Variants in UBXN2A observed in about 807,000 individuals in gnomAD.
The protein encoded by UBXN2A is UBX domain-containing protein 2A.
In UBXN2A, 28 loss-of-function variants were observed where a neutral mutation model predicts 28.4. The observed-to-expected ratio is 0.99, with a 90% CI of 0.73 to 1.35. UBXN2A has a LOEUF of 1.35. Among genes scored for constraint, UBXN2A ranks in the 40% most tolerant of loss-of-function variants. The pLI is 0.00. For missense variants in UBXN2A, 253 were observed against 297.9 expected (o/e 0.85, Z 1.11); for synonymous variants, 97 against 103.6 (o/e 0.94, Z 0.39).
At chr2:23,955,025 C>T (rs545940599) in intron 1 of UBXN2A, among the ~76,000 whole-genome samples, 8 of 151,584 alleles carry the variant, frequency 5.3e-5, no homozygotes, top group East Asian at 3.9e-4. Context: ...CTCCACCTCC[C>T]GGGTTCAGGC....
At chr2:23,958,815 C>T (rs1706763986) in intron 2 of UBXN2A, among the ~76,000 whole-genome samples, 2 of 152,126 alleles carry the variant, frequency 1.3e-5, no homozygotes. Context: ...ACCTACCTAT[C>T]TGAAAGGTTT....
intron 6 of UBXN2A, among the ~76,000 whole-genome samples, chr2:23,994,970 C>T (rs1708475073): frequency 6.6e-6 from 1 of 152,196 alleles, no homozygotes; most frequent in Non-Finnish European, 1.5e-5. Context: ...CAAGACTCCT[C>T]CACATTGGCA....
chr2:23,997,898 G>A (rs1299126980), intron 6 of UBXN2A, among the ~76,000 whole-genome samples: 3 of 149,496 alleles, frequency 2.0e-5, no homozygotes, highest in Non-Finnish European at 4.4e-5. Flanking sequence ...CTGCAACCTC[G>A]CCTCCTGGGT....
chr2:23,940,843 C>A (rs939006477), intron 1 of UBXN2A, among the ~76,000 whole-genome samples, 195 bp downstream of exon 1: 18 of 150,324 alleles, frequency 1.2e-4, no homozygotes, highest in African/African-American at 3.9e-4. Flanking sequence ...GAGCCAGGGT[C>A]CCGCCCAGCC....
chr2:23,965,508 G>T (rs1005102039), intron 2 of UBXN2A, among the ~76,000 whole-genome samples: 1 of 152,152 alleles, frequency 6.6e-6, no homozygotes, highest in Non-Finnish European at 1.5e-5. Flanking sequence ...TGATGTGATA[G>T]ATTACATGAA....
intron 1 of UBXN2A, among the ~76,000 whole-genome samples, chr2:23,935,094 T>C (rs1705485767): frequency 6.6e-6 from 1 of 151,788 alleles, no homozygotes; most frequent in Admixed American, 6.6e-5. Flanking sequence ...AGCAAAAAAA[T>C]GGAGCAAACA....
intron 2 of UBXN2A, chr2:23,968,785 C>T (rs2150861830): frequency 6.6e-6 from 1 of 152,066 alleles, no homozygotes; most frequent in South Asian, 2.1e-4. Context: ...TTTGAGAAAT[C>T]GTATTTCTGT....
chr2:23,972,679 G>A (rs1390373067), intron 3 of UBXN2A, among the ~76,000 whole-genome samples: 4 of 151,924 alleles, frequency 2.6e-5, no homozygotes, highest in Non-Finnish European at 2.9e-5. Flanking sequence ...AAAAGTAGCC[G>A]GGTGTGGTGG....
intron 6 of UBXN2A, among the ~76,000 whole-genome samples, chr2:23,990,664 C>T (rs1708320053): frequency 6.6e-6 from 1 of 151,482 alleles, no homozygotes; most frequent in Admixed American, 6.6e-5. Context: ...ATCCCAGCTA[C>T]TTGGGAGGCT....
At chr2:23,941,334 G>A (rs1437934810) in intron 1 of UBXN2A, among the ~76,000 whole-genome samples, 1 of 152,118 alleles carries the variant, frequency 6.6e-6, no homozygotes, top group Non-Finnish European at 1.5e-5. Flanking sequence ...TGTTTTTAGG[G>A]GGGAAACTTT....
At chr2:23,966,394 C>A (rs1707165641) in intron 2 of UBXN2A, among the ~76,000 whole-genome samples, 1 of 151,708 alleles carries the variant, frequency 6.6e-6, no homozygotes, top group Non-Finnish European at 1.5e-5. Context: ...CTTGGCCTCC[C>A]AAAGTGCTAG....
chr2:23,997,798 CTTTAT>C (rs1170536884), intron 6 of UBXN2A, among the ~76,000 whole-genome samples: 3 of 149,346 alleles, frequency 2.0e-5, no homozygotes. Flanking sequence ...TTTGCCAGAA[CTTTAT>C]TTTAATATTT....
intron 6 of UBXN2A, among the ~76,000 whole-genome samples, chr2:23,985,195 G>A (rs1001580393): frequency 1.3e-5 from 2 of 152,050 alleles, no homozygotes; most frequent in Non-Finnish European, 2.9e-5. Flanking sequence ...GCCTTAGCCT[G>A]CCAAAGTGCT....
At chr2:23,943,234 C>T (rs1248348236) in intron 1 of UBXN2A, among the ~76,000 whole-genome samples, 5 of 152,068 alleles carry the variant, frequency 3.3e-5, no homozygotes, top group African/African-American at 9.7e-5. Flanking sequence ...GAATTACAGG[C>T]GTGAGCCACC....
intron 1 of UBXN2A, among the ~76,000 whole-genome samples, chr2:23,952,711 G>A (rs1003645483): frequency 6.6e-6 from 1 of 152,074 alleles, no homozygotes; most frequent in Non-Finnish European, 1.5e-5. Flanking sequence ...CCAAAGTGTT[G>A]GTATTACAGG....
intron 1 of UBXN2A, among the ~76,000 whole-genome samples, chr2:23,929,328 G>C (rs370214858): frequency 6.6e-6 from 1 of 151,856 alleles, no homozygotes; most frequent in Non-Finnish European, 1.5e-5. Context: ...CTTGAGCCCA[G>C]GATGTCCAGG....
rs772774991 is a variant in UBXN2A, at chr2:23,999,903, T to C, written c.*36T>C. 1.1e-5 allele frequency: 17 copies of C among 1,601,122 alleles called. No individual in the cohort carries two copies. On this transcript the variant is annotated 3_prime_UTR_variant, in exon 7 of 7. Transcript: ENST00000309033. ...ACTAAGTGGAAAATTTGCAGAGAAATGATGGTTGTAAGTGGACATGCAAAC... is the reference window on the plus strand; with the variant it reads ...ACTAAGTGGAAAATTTGCAGAGAAACGATGGTTGTAAGTGGACATGCAAAC...
chr2:24,002,346 A>G lies in UBXN2A; in HGVS notation c.*2479A>G, dbSNP rs1708738994. 2 of 152,212 alleles carry G rather than the reference A, an allele frequency of 1.3e-5. No homozygotes were observed. Among genetic ancestry groups the G allele is most frequent in the African/African-American group, 2.4e-5 (1 of 41,406 alleles). 9.4% of individuals were successfully genotyped at this position (152,212 alleles called of 1,614,324 possible). A position where few individuals can be genotyped will look rare whatever the true frequency, so the allele number is the denominator to read the frequency against. On this transcript the variant is annotated 3_prime_UTR_variant, in exon 7 of 7. Transcript: ENST00000309033. ...CTTGAACTCAGGAGGCAGAGGTTGC[A>G]GTGAGCCGAGATTGCGCCACTGCAC... is the stretch of plus-strand genomic sequence containing the variant.
chr2:23,928,715 T>G (rs75946468), intron 1 of UBXN2A, among the ~76,000 whole-genome samples: 3,603 of 152,284 alleles, frequency 0.024, 397 homozygotes, highest in Admixed American at 0.2. Context: ...GGCATCAAAC[T>G]TAGAGCATTC....
Sources: allele counts gnomAD v4.1 joint callset (sites outside exome capture counted in the v4.1 genomes callset), GRCh38; gene constraint gnomAD v4.1.1; transcripts MANE v1.5; gene names NCBI Gene and HGNC (gene_info 2026-07-23, HGNC 2026-07-21).